The following LNPK variants were observed in gnomAD, a reference collection of about 807,000 sequenced individuals.
LNPK encodes lunapark, ER junction formation factor, also known as endoplasmic reticulum junction formation protein lunapark.
In LNPK, 29 loss-of-function variants were observed where a neutral mutation model predicts 55.2. The ratio of observed to expected loss-of-function variants is 0.53; its 90% CI spans 0.39 to 0.72. LNPK has a LOEUF of 0.72. Ranked by LOEUF, LNPK falls within the 30% of genes least tolerant of loss-of-function variation. LNPK has a pLI of 0.00. For missense variants in LNPK, 467 were observed against 494.8 expected, an observed-to-expected ratio of 0.94 and a Z score of 0.53; for synonymous variants, 162 against 168.2, an observed-to-expected ratio of 0.96 and a Z score of 0.29.
chr2:175,978,384 A>G (rs1687011258), intron 5 of LNPK, among the ~76,000 whole-genome samples: 2 of 152,170 alleles, frequency 1.3e-5, no homozygotes, highest in African/African-American at 4.8e-5. Flanking sequence ...TTGGTGGTGT[A>G]GGTAGCTCTC....
chr2:175,991,187 A>T (rs1687683606), intron 4 of LNPK, among the ~76,000 whole-genome samples: 1 of 152,166 alleles, frequency 6.6e-6, no homozygotes, highest in South Asian at 2.1e-4. Context: ...TGCATTTTTG[A>T]GTATTTAAAA....
chr2:175,990,848 G>A (rs113048847), intron 4 of LNPK, among the ~76,000 whole-genome samples: 227 of 152,124 alleles, frequency 1.5e-3, no homozygotes, highest in African/African-American at 5.1e-3. Flanking sequence ...AGCTAAACAA[G>A]CCAAGATATA....
At position 175,929,939 on chromosome 2, in the gene LNPK, T is replaced by A. The variant is rs1461019600; in HGVS notation, c.*28A>T. ...ACTGACATCAGTAAGACTATAAATA[T>A]CCAGTTGAAGGCACGTGGAAGCATT... On this transcript the variant is annotated 3_prime_UTR_variant, in exon 13 of 13. Transcript: ENST00000272748. 1 of 1,612,534 alleles carries A rather than the reference T, an allele frequency of 6.2e-7. No individual in the cohort carries two copies. Among genetic ancestry groups the A allele is most frequent in the Non-Finnish European group, 8.5e-7 (1 of 1,179,182 alleles).
At chr2:175,995,440 G>A in intron 2 of LNPK, 118 bp downstream of exon 2, 1 of 659,594 alleles carries the variant, frequency 1.5e-6, no homozygotes. Context: ...GAAGAAAAAA[G>A]TTAAGGAAAA....
chr2:175,933,433 T>A (rs17394318), intron 12 of LNPK, among the ~76,000 whole-genome samples: 89,786 of 151,974 alleles, frequency 0.59, 27,180 homozygotes, highest in African/African-American at 0.7. Context: ...ATCAGTACCC[T>A]CTATCTATGT....
chr2:176,002,307 G>A, upstream of LNPK: 1 of 432,288 alleles, frequency 2.3e-6, no homozygotes, highest in Non-Finnish European at 4.6e-6. Context: ...CCGCGCTCCA[G>A]CCGCTCGCCA....
intron 8 of LNPK, among the ~76,000 whole-genome samples, chr2:175,959,318 A>T (rs1298710832): frequency 6.6e-6 from 1 of 152,218 alleles, no homozygotes; most frequent in Admixed American, 6.5e-5. Flanking sequence ...AGCCAGAGAG[A>T]AAAGTCGAGT....
intron 9 of LNPK, among the ~76,000 whole-genome samples, chr2:175,941,790 C>CAAAAAAAAAAAAAAAAAAAAAAAA (rs59162981): frequency 1.9e-5 from 1 of 51,922 alleles, no homozygotes; most frequent in Non-Finnish European, 3.4e-5. Context: ...GATTCCATCT[C>CAAAAAAAAAAAAAAAAAAAAAAAA]AAAAAAAAAA....
At chr2:176,002,411 C>G, upstream of LNPK, 1 of 341,022 alleles carries the variant, frequency 2.9e-6, no homozygotes, top group Non-Finnish European at 5.7e-6. Context: ...AGGTTAGGAT[C>G]TTGTGTTTGT....
intron 5 of LNPK, among the ~76,000 whole-genome samples, chr2:175,972,408 T>C (rs1686703266): frequency 6.6e-6 from 1 of 152,096 alleles, no homozygotes; most frequent in Non-Finnish European, 1.5e-5. Flanking sequence ...TCCAAAATGC[T>C]CCAAGGACCA....
intron 9 of LNPK, chr2:175,941,049 A>G (rs932685067): frequency 2.3e-6 from 1 of 443,574 alleles, no homozygotes; most frequent in South Asian, 1.6e-5. Context: ...GGTGTTCAAG[A>G]CCAGCCTGGG....
intron 8 of LNPK, among the ~76,000 whole-genome samples, chr2:175,957,214 C>T (rs557153382): frequency 1.4e-4 from 22 of 151,752 alleles, no homozygotes; most frequent in African/African-American, 4.6e-4. Context: ...AAAAATTAGC[C>T]GGGTGTCATG....
intron 4 of LNPK, 85 bp downstream of exon 4, chr2:175,992,144 TAA>T (rs1687731728): frequency 3.6e-6 from 3 of 825,200 alleles, no homozygotes; most frequent in Admixed American, 3.8e-5. Flanking sequence ...CATTTAATAA[TAA>T]AGAGACCGAA....
chr2:175,999,910 T>A, intron 1 of LNPK, among the ~76,000 whole-genome samples: 1 of 152,164 alleles, frequency 6.6e-6, no homozygotes, highest in Middle Eastern at 3.4e-3. Context: ...GGATTACAGG[T>A]GTATGCCACC....
At chr2:175,939,799 CTGAAGAACATTCAAA>C in intron 9 of LNPK, 142 bp from the exon 10 acceptor site, 1 of 505,336 alleles carries the variant, frequency 2.0e-6, no homozygotes, top group South Asian at 4.0e-5. Flanking sequence ...TTATAAATCT[CTGAAGAACATTCAAA>C]TTTTCATTAA....
At chr2:175,959,634 T>C (rs1188787873) in intron 8 of LNPK, among the ~76,000 whole-genome samples, 1 of 152,130 alleles carries the variant, frequency 6.6e-6, no homozygotes, top group Non-Finnish European at 1.5e-5. Flanking sequence ...CTATTGATGT[T>C]TGGAAGAAAC....
chr2:175,934,889 A>C (rs1215598442), intron 12 of LNPK, among the ~76,000 whole-genome samples: 2 of 152,092 alleles, frequency 1.3e-5, no homozygotes, highest in Non-Finnish European at 2.9e-5. Context: ...CCAGGTATTC[A>C]GGTGAGAAAT....
At chr2:175,965,879 T>C (rs1199553577) in intron 6 of LNPK, among the ~76,000 whole-genome samples, 1 of 152,120 alleles carries the variant, frequency 6.6e-6, no homozygotes, top group African/African-American at 2.4e-5. Flanking sequence ...CTACATGGAA[T>C]ATCAAAGAAG....
chr2:175,962,604 G>A (rs1299678170), intron 8 of LNPK, among the ~76,000 whole-genome samples: 4 of 152,116 alleles, frequency 2.6e-5, no homozygotes, highest in African/African-American at 9.7e-5. Flanking sequence ...AAAAAACCTA[G>A]AAGAAAACCT....
Sources: gnomAD v4.1 joint callset for allele counts (sites outside exome capture counted in the v4.1 genomes callset) on GRCh38, gnomAD v4.1.1 for gene constraint, MANE v1.5 for transcripts, NCBI Gene and HGNC (gene_info 2026-07-23, HGNC 2026-07-21) for gene names.